MALRD1: variants seen among roughly 807,000 people sequenced by gnomAD.
The protein encoded by MALRD1 is MAM and LDL-receptor class A domain-containing protein 1.
MALRD1 carries 247 observed loss-of-function variants against 242.1 expected under a neutral mutation model. That is an observed-to-expected ratio of 1.02 (90% CI 0.92 to 1.13). The LOEUF is 1.13. MALRD1 is among the 50% of genes most tolerant of loss of function. The probability of loss-of-function intolerance (pLI) is 0.00; values close to 1 mark genes in which losing one functional copy is unlikely to be tolerated. For synonymous variants in MALRD1, 995 were observed against 866.6 expected (o/e 1.15, Z -2.60); for missense variants, 2,989 against 2,533.1 (o/e 1.18, Z -3.86).
At chr10:19,709,030 T>C (rs147749928) in intron 38 of MALRD1, among the ~76,000 whole-genome samples, 1,204 of 120,188 alleles carry the variant, frequency 0.01, 190 homozygotes, top group African/African-American at 0.028. Context: ...TTTTTTTTCA[T>C]TTTTTGAAAT....
intron 28 of MALRD1, among the ~76,000 whole-genome samples, chr10:19,442,006 C>A (rs1834687241): frequency 6.6e-6 from 1 of 152,120 alleles, no homozygotes; most frequent in African/African-American, 2.4e-5. Flanking sequence ...TCTTTTATTT[C>A]ATTGAGCATT....
intron 38 of MALRD1, among the ~76,000 whole-genome samples, chr10:19,702,543 T>C (rs1373728288): frequency 2.0e-5 from 3 of 152,238 alleles, no homozygotes; most frequent in African/African-American, 7.2e-5. Flanking sequence ...GCATAATTTG[T>C]ATCCAATATA....
intron 26 of MALRD1, among the ~76,000 whole-genome samples, chr10:19,385,492 T>G (rs1403617663): frequency 2.6e-5 from 4 of 152,114 alleles, no homozygotes; most frequent in Admixed American, 1.3e-4. Flanking sequence ...TTTCTAGGAA[T>G]GTATCCATTT....
chr10:19,705,877 T>C (rs906931446), intron 38 of MALRD1, among the ~76,000 whole-genome samples: 19 of 149,900 alleles, frequency 1.3e-4, no homozygotes, highest in African/African-American at 4.7e-4. Context: ...TCATTATTTA[T>C]TCCACCCAGA....
At chr10:19,589,497 G>A (rs942148969) in intron 33 of MALRD1, among the ~76,000 whole-genome samples, 5 of 152,056 alleles carry the variant, frequency 3.3e-5, no homozygotes, top group African/African-American at 1.2e-4. Flanking sequence ...TGAAACTTGG[G>A]ATCCTTCTTT....
chr10:19,319,699 C>A (rs555044910), intron 21 of MALRD1, among the ~76,000 whole-genome samples: 1 of 151,940 alleles, frequency 6.6e-6, no homozygotes, highest in Non-Finnish European at 1.5e-5. Flanking sequence ...TTTCCTCACG[C>A]GGTAGAAGGG....
At chr10:19,265,845 T>C (rs1389726412) in intron 19 of MALRD1, among the ~76,000 whole-genome samples, 1 of 152,058 alleles carries the variant, frequency 6.6e-6, no homozygotes, top group Non-Finnish European at 1.5e-5. Context: ...ATTGTTTTGC[T>C]GTCTCTTTCT....
At chr10:19,210,471 T>C (rs1297469186) in intron 18 of MALRD1, among the ~76,000 whole-genome samples, 3 of 152,200 alleles carry the variant, frequency 2.0e-5, no homozygotes, top group Admixed American at 6.5e-5. Context: ...CAGCATATCA[T>C]AGAGCCTATA....
intron 28 of MALRD1, among the ~76,000 whole-genome samples, chr10:19,448,905 A>G (rs1450792439): frequency 1.3e-5 from 2 of 152,040 alleles, no homozygotes; most frequent in African/African-American, 4.8e-5. Context: ...CACTTCATAA[A>G]TCCTTTATTA....
intron 38 of MALRD1, among the ~76,000 whole-genome samples, chr10:19,705,386 G>C (rs1050091935): frequency 8.5e-5 from 13 of 152,174 alleles, no homozygotes; most frequent in African/African-American, 3.1e-4. Context: ...CACTAGCACA[G>C]TGACCGAGGT....
intron 32 of MALRD1, among the ~76,000 whole-genome samples, chr10:19,539,855 TGCGTGTGTGTGTGTG>T (rs1834866215): frequency 3.1e-4 from 27 of 87,396 alleles, no homozygotes; most frequent in African/African-American, 7.9e-4. Flanking sequence ...CCCAGCTTTG[TGCGTGTGTGTGTGTG>T]TGTGTGTGTG....
At chr10:19,614,412 T>C (rs1221743003) in intron 35 of MALRD1, among the ~76,000 whole-genome samples, 2 of 152,028 alleles carry the variant, frequency 1.3e-5, no homozygotes, top group South Asian at 2.1e-4. Context: ...GAAATTTTAA[T>C]CAAGTGTTAG....
chr10:19,706,277 T>C (rs1413287239), intron 38 of MALRD1, among the ~76,000 whole-genome samples: 1 of 152,254 alleles, frequency 6.6e-6, no homozygotes, highest in Non-Finnish European at 1.5e-5. Context: ...TTAAGGTCTT[T>C]GAAAGCTAAC....
intron 4 of MALRD1, among the ~76,000 whole-genome samples, chr10:19,102,948 A>G (rs1588547178): frequency 6.6e-6 from 1 of 152,022 alleles, no homozygotes; most frequent in East Asian, 2.0e-4. Flanking sequence ...TCCCGGTTCA[A>G]GCAATTCTCC....
intron 5 of MALRD1, among the ~76,000 whole-genome samples, chr10:19,107,481 A>G (rs1331162175): frequency 2.0e-5 from 3 of 149,310 alleles, no homozygotes; most frequent in African/African-American, 7.4e-5. Context: ...TGCATGAAAT[A>G]TTTTTATTCC....
chr10:19,322,731 A>G (rs992665861), intron 21 of MALRD1, among the ~76,000 whole-genome samples: 2 of 152,304 alleles, frequency 1.3e-5, no homozygotes, highest in Non-Finnish European at 2.9e-5. Flanking sequence ...TGGTGACTGA[A>G]TGACTACTTC....
chr10:19,067,960 G>C (rs368674110), intron 2 of MALRD1, among the ~76,000 whole-genome samples: 117 of 152,186 alleles, frequency 7.7e-4, no homozygotes, highest in African/African-American at 2.7e-3. Context: ...GAATCAGCCA[G>C]TTTTATTACC....
intron 24 of MALRD1, among the ~76,000 whole-genome samples, chr10:19,332,658 G>A (rs1353970976): frequency 6.6e-6 from 1 of 152,132 alleles, no homozygotes; most frequent in Non-Finnish European, 1.5e-5. Flanking sequence ...GGAATATCAT[G>A]AACAACTTCA....
chr10:19,693,739 T>C (rs1279099524), intron 38 of MALRD1, among the ~76,000 whole-genome samples: 2 of 152,082 alleles, frequency 1.3e-5, no homozygotes, highest in African/African-American at 2.4e-5. Context: ...AAAGTTCATA[T>C]GGAACCAAAA....
Sources: allele counts gnomAD v4.1 joint callset (sites outside exome capture counted in the v4.1 genomes callset), GRCh38; gene constraint gnomAD v4.1.1; transcripts MANE v1.5; gene names NCBI Gene and HGNC (gene_info 2026-07-23, HGNC 2026-07-21).